The following ZMYND8 variants were observed in gnomAD, a reference collection of about 807,000 sequenced individuals.
ZMYND8 encodes the protein MYND-type zinc finger-containing chromatin reader ZMYND8.
ZMYND8 carries 37 observed loss-of-function variants against 140.8 expected under a neutral mutation model. The ratio of observed to expected loss-of-function variants is 0.26; its 90% CI spans 0.20 to 0.35. The LOEUF (loss-of-function observed/expected upper bound fraction) is 0.35, where lower values mean the gene tolerates loss of function less well. ZMYND8 is among the 10% of genes least tolerant of loss of function. The pLI, the probability that ZMYND8 is intolerant of heterozygous loss-of-function variation, is 1.00. For synonymous variants in ZMYND8, 592 were observed against 597.1 expected (o/e 0.99, Z 0.12); for missense variants, 1,068 against 1,570.0 (o/e 0.68, Z 5.40).
intron 12 of ZMYND8, among the ~76,000 whole-genome samples, chr20:47,252,138 A>T (rs902984672): frequency 2.0e-5 from 3 of 151,796 alleles, no homozygotes; most frequent in African/African-American, 7.3e-5. Flanking sequence ...TACTAAAAAT[A>T]AAAAAATTAG....
At chr20:47,315,237 G>A (rs1569178692) in intron 2 of ZMYND8, among the ~76,000 whole-genome samples, 1 of 152,110 alleles carries the variant, frequency 6.6e-6, no homozygotes, top group Non-Finnish European at 1.5e-5. Context: ...GTAGGGGGAG[G>A]TGGGTCCTAG....
At chr20:47,238,560 A>C in intron 15 of ZMYND8, 198 bp downstream of exon 15, 1 of 978,540 alleles carries the variant, frequency 1.0e-6, no homozygotes, top group South Asian at 1.5e-5. Flanking sequence ...AACAAAAAAA[A>C]CTTTTTGAAA....
intron 5 of ZMYND8, among the ~76,000 whole-genome samples, chr20:47,292,397 A>C (rs1250364062): frequency 6.6e-6 from 1 of 152,176 alleles, no homozygotes; most frequent in African/African-American, 2.4e-5. Context: ...TGCCACACTC[A>C]ACATAAAAAT....
intron 12 of ZMYND8, among the ~76,000 whole-genome samples, chr20:47,251,692 A>C (rs2074188450): frequency 6.6e-6 from 1 of 152,308 alleles, no homozygotes; most frequent in African/African-American, 2.4e-5. Flanking sequence ...AGGGTAAAAT[A>C]ATTTTAAAAA....
intron 6 of ZMYND8, among the ~76,000 whole-genome samples, chr20:47,290,582 A>AGTTTTTT (rs2077192820): frequency 9.9e-6 from 1 of 101,336 alleles, no homozygotes; most frequent in Non-Finnish European, 2.0e-5. Flanking sequence ...TTATTTATTT[A>AGTTTTTT]GTTTTTTTTT....
intron 2 of ZMYND8, among the ~76,000 whole-genome samples, chr20:47,324,474 G>A (rs112316306): frequency 4.1e-4 from 62 of 151,952 alleles, no homozygotes; most frequent in Middle Eastern, 3.4e-3. Flanking sequence ...AGCCGAGATC[G>A]AGCCACTGCA....
intron 1 of ZMYND8, among the ~76,000 whole-genome samples, chr20:47,351,285 A>G (rs2082759499): frequency 6.6e-6 from 1 of 150,378 alleles, no homozygotes; most frequent in Non-Finnish European, 1.5e-5. Context: ...AACACTTCCA[A>G]GAGAGAGAAA....
At chr20:47,284,186 C>T (rs1601588726) in intron 8 of ZMYND8, among the ~76,000 whole-genome samples, 2 of 152,104 alleles carry the variant, frequency 1.3e-5, no homozygotes, top group African/African-American at 4.8e-5. Flanking sequence ...GCCTCCCAAA[C>T]TGCTAGGATT....
chr20:47,285,883 T>C, intron 8 of ZMYND8: 1 of 952,000 alleles, frequency 1.1e-6, no homozygotes, highest in Non-Finnish European at 1.3e-6. Flanking sequence ...TTTATAAAAC[T>C]CTCTCTACAT....
At chr20:47,225,608 G>A (rs1600981106) in intron 18 of ZMYND8, among the ~76,000 whole-genome samples, 119 of 116,962 alleles carry the variant, frequency 1.0e-3, no homozygotes, top group African/African-American at 1.2e-3. Flanking sequence ...GAGGGGATGG[G>A]AGGGGAATGG....
intron 2 of ZMYND8, among the ~76,000 whole-genome samples, chr20:47,337,284 G>A (rs181476190): frequency 6.6e-5 from 10 of 152,198 alleles, no homozygotes; most frequent in Admixed American, 4.6e-4. Flanking sequence ...TCCAGGAGGC[G>A]GAGGCTGCAG....
intron 1 of ZMYND8, chr20:47,355,433 T>A: frequency 1.0e-6 from 1 of 985,216 alleles, no homozygotes. Context: ...ACAGAGGAAA[T>A]GGATTGCTTT....
intron 2 of ZMYND8, among the ~76,000 whole-genome samples, chr20:47,330,926 T>A (rs2080884505): frequency 6.6e-6 from 1 of 152,228 alleles, no homozygotes; most frequent in Non-Finnish European, 1.5e-5. Context: ...GAACTCATCC[T>A]CATTTTGAGC....
At chr20:47,311,701 T>A (rs2078946291) in intron 2 of ZMYND8, among the ~76,000 whole-genome samples, 1 of 152,124 alleles carries the variant, frequency 6.6e-6, no homozygotes, top group Non-Finnish European at 1.5e-5. Flanking sequence ...ACCCCGTCTC[T>A]ACTAAAAATA....
At chr20:47,294,078 T>C (rs2077477996) in intron 5 of ZMYND8, among the ~76,000 whole-genome samples, 2 of 152,076 alleles carry the variant, frequency 1.3e-5, no homozygotes, top group African/African-American at 4.8e-5. Flanking sequence ...CGAGCCACAG[T>C]GGCTCATGCC....
intron 1 of ZMYND8, 170 bp from the exon 2 acceptor site, chr20:47,348,096 A>C: frequency 3.0e-6 from 2 of 674,984 alleles, no homozygotes; most frequent in South Asian, 3.3e-5. Context: ...GAAGAGTCCT[A>C]AAGGAGTTTT....
intron 12 of ZMYND8, among the ~76,000 whole-genome samples, chr20:47,255,338 G>C (rs1247508011): frequency 6.6e-6 from 1 of 151,644 alleles, no homozygotes; most frequent in African/African-American, 2.4e-5. Flanking sequence ...TGAAATTTTT[G>C]TTACCATATG....
chr20:47,226,951 C>T (rs563360652), intron 18 of ZMYND8, among the ~76,000 whole-genome samples: 64 of 152,294 alleles, frequency 4.2e-4, no homozygotes, highest in Non-Finnish European at 8.4e-4. Context: ...TGTGAGCTGC[C>T]GTGCCTGACC....
rs780348034 is a variant in ZMYND8, at chr20:47,352,607, T to C, written c.14+4050A>G. The C allele has an allele frequency of 1.9e-5, 18 of 923,446 alleles. 1 individual carries two copies. Among genetic ancestry groups the C allele is most frequent in the Middle Eastern group, 5.5e-4 (1 of 1,834 alleles). 57.2% of individuals were successfully genotyped at this position (923,446 alleles called of 1,614,324 possible). On this transcript the variant is annotated intron_variant, in intron 1 of 22. Coordinates refer to ENST00000471951, the MANE Select transcript of ZMYND8 (RefSeq NM_001281775.3). Reference sequence around the variant, plus strand: ...TCATTTACTGTTACAGGTCTGAGCATTGGCCTCAGAACTCCTCTGGTGCTG... The same window carrying C: ...TCATTTACTGTTACAGGTCTGAGCACTGGCCTCAGAACTCCTCTGGTGCTG...
Sources: gnomAD v4.1 joint callset for allele counts (sites outside exome capture counted in the v4.1 genomes callset) on GRCh38, gnomAD v4.1.1 for gene constraint, MANE v1.5 for transcripts, NCBI Gene and HGNC (gene_info 2026-07-23, HGNC 2026-07-21) for gene names.